Variants in RBFOX1 observed in about 807,000 individuals in gnomAD.
RBFOX1 encodes the protein RNA binding fox-1 homolog 1.
In RBFOX1, 8 loss-of-function variants were observed where a neutral mutation model predicts 57.7. That is an observed-to-expected ratio of 0.14 (90% CI 0.08 to 0.25). RBFOX1 has a LOEUF of 0.25. Ranked by LOEUF, RBFOX1 falls within the 10% of genes least tolerant of loss-of-function variation. RBFOX1 has a pLI of 1.00. For missense variants in RBFOX1, 611 were observed against 548.5 expected (o/e 1.11, Z -1.14); for synonymous variants, 326 against 222.4 (o/e 1.47, Z -4.15).
chr16:6,618,968 A>G (rs1023184582), intron 2 of RBFOX1, among the ~76,000 whole-genome samples: 1 of 152,188 alleles, frequency 6.6e-6, no homozygotes, highest in South Asian at 2.1e-4. Flanking sequence ...CAAAAGGGTT[A>G]TTTATAGTCC....
intron 4 of RBFOX1, among the ~76,000 whole-genome samples, chr16:5,874,861 C>G (rs1467043460): frequency 6.6e-6 from 1 of 152,126 alleles, no homozygotes; most frequent in African/African-American, 2.4e-5. Context: ...GGGAGGATCA[C>G]TTGGGACCCA....
chr16:7,643,332 C>T (rs907860270), intron 11 of RBFOX1, among the ~76,000 whole-genome samples: 3 of 152,136 alleles, frequency 2.0e-5, no homozygotes, highest in Admixed American at 6.5e-5. Context: ...TCCTAGATGA[C>T]TATTTTTATT....
chr16:7,589,766 C>G (rs2094336720), intron 7 of RBFOX1, among the ~76,000 whole-genome samples: 1 of 151,932 alleles, frequency 6.6e-6, no homozygotes, highest in South Asian at 2.1e-4. Context: ...TGAACTGTTG[C>G]TATGGCCTCA....
At position 7,245,075 on chromosome 16, in the gene RBFOX1, GA is replaced by G. The variant is rs2094234912; in HGVS notation, c.27+192981del. The stretch of plus-strand genomic sequence containing the variant: ...TCTGATTGTTTACCTAAGAGAGTCT[GA>G]AAAGTCTTATTTCTAGGTGCTGTAT... On this transcript the variant is annotated intron_variant, in intron 4 of 15. Transcript: ENST00000550418. Among the ~76,000 whole-genome samples the G allele has an allele frequency of 2.0e-5, 3 of 152,266 alleles. No homozygotes were observed. The South Asian group carries it at 6.2e-4, about 32-fold the overall frequency.
intron 3 of RBFOX1, among the ~76,000 whole-genome samples, chr16:6,842,170 A>AT (rs1261984296): frequency 1.3e-5 from 2 of 151,470 alleles, no homozygotes; most frequent in Non-Finnish European, 2.9e-5. Context: ...AAATAAATAA[A>AT]TAAATAAATA....
intron 1 of RBFOX1, among the ~76,000 whole-genome samples, chr16:5,397,295 C>A (rs1241768466): frequency 6.6e-6 from 1 of 151,874 alleles, no homozygotes; most frequent in Non-Finnish European, 1.5e-5. Flanking sequence ...CAAACATTTC[C>A]TTCTGGAGTG....
intron 3 of RBFOX1, among the ~76,000 whole-genome samples, chr16:5,771,229 G>A (rs2053966928): frequency 6.6e-6 from 1 of 152,224 alleles, no homozygotes; most frequent in South Asian, 2.1e-4. Context: ...CTCGCTAGGT[G>A]CGACCTAGGT....
At chr16:5,292,304 C>G (rs531974829) in intron 1 of RBFOX1, among the ~76,000 whole-genome samples, 25 of 152,338 alleles carry the variant, frequency 1.6e-4, no homozygotes, top group South Asian at 4.1e-4. Context: ...CATTTCCAGC[C>G]AAACCCATTT....
chr16:7,473,402 A>G (rs143171083), intron 4 of RBFOX1, among the ~76,000 whole-genome samples: 217 of 148,034 alleles, frequency 1.5e-3, no homozygotes, highest in African/African-American at 5.1e-3. Context: ...ATATATATTT[A>G]TATATAATGT....
At chr16:5,804,370 G>C (rs2055160138) in intron 3 of RBFOX1, among the ~76,000 whole-genome samples, 1 of 152,200 alleles carries the variant, frequency 6.6e-6, no homozygotes, top group Admixed American at 6.5e-5. Flanking sequence ...TAGTTTATTG[G>C]TGGTAGTGAC....
exon 3 of RBFOX1, chr16:5,599,494 C>T (rs977253375): frequency 2.3e-5 from 11 of 472,704 alleles, no homozygotes; most frequent in Non-Finnish European, 3.7e-5. Flanking sequence ...CAGGAAGTTC[C>T]CTGCACAGAT....
At chr16:7,556,230 G>T in intron 5 of RBFOX1, among the ~76,000 whole-genome samples, 1 of 152,046 alleles carries the variant, frequency 6.6e-6, no homozygotes, top group Admixed American at 6.6e-5. Context: ...GCAGCTCTTC[G>T]GTCAAATCTG....
intron 4 of RBFOX1, among the ~76,000 whole-genome samples, chr16:5,908,249 C>G (rs994085154): frequency 2.7e-5 from 4 of 145,636 alleles, no homozygotes; most frequent in Non-Finnish European, 4.5e-5. Context: ...CATATACATA[C>G]ACACACATAT....
intron 3 of RBFOX1, among the ~76,000 whole-genome samples, chr16:5,711,291 C>A (rs1364177650): frequency 5.3e-5 from 8 of 152,168 alleles, no homozygotes; most frequent in African/African-American, 1.4e-4. Context: ...CTACATTGCT[C>A]AGATAAGAAA....
At chr16:6,406,969 C>A (rs9930982) in intron 2 of RBFOX1, among the ~76,000 whole-genome samples, 2 of 152,060 alleles carry the variant, frequency 1.3e-5, no homozygotes, top group African/African-American at 2.4e-5. Context: ...ATGATCCTTG[C>A]CTAACTTCCT....
chr16:5,958,632 T>A (rs572203703), intron 4 of RBFOX1, among the ~76,000 whole-genome samples: 1 of 152,330 alleles, frequency 6.6e-6, no homozygotes, highest in Non-Finnish European at 1.5e-5. Flanking sequence ...ACCACAGAAT[T>A]AGTGGCTTAA....
At chr16:7,475,462 A>C (rs1303837577) in intron 4 of RBFOX1, among the ~76,000 whole-genome samples, 1 of 152,044 alleles carries the variant, frequency 6.6e-6, no homozygotes, top group Non-Finnish European at 1.5e-5. Context: ...CTGCAGGCGC[A>C]TGCCACCACA....
intron 3 of RBFOX1, among the ~76,000 whole-genome samples, chr16:5,729,238 C>T (rs2052267818): frequency 6.6e-6 from 1 of 152,118 alleles, no homozygotes; most frequent in African/African-American, 2.4e-5. Flanking sequence ...GGGGTATGAA[C>T]ATGGAGATGC....
chr16:5,849,259 T>C (rs1401390513), intron 3 of RBFOX1, among the ~76,000 whole-genome samples: 1 of 152,186 alleles, frequency 6.6e-6, no homozygotes, highest in Non-Finnish European at 1.5e-5. Flanking sequence ...TTAAGGACGA[T>C]GGAGTGCCCT....
Sources: gnomAD v4.1 joint callset for allele counts (sites outside exome capture counted in the v4.1 genomes callset) on GRCh38, gnomAD v4.1.1 for gene constraint, MANE v1.5 for transcripts, NCBI Gene and HGNC (gene_info 2026-07-23, HGNC 2026-07-21) for gene names.